The following SNAP25 variants were observed in gnomAD, a reference collection of about 807,000 sequenced individuals.
The protein encoded by SNAP25 is synaptosomal-associated protein 25.
In SNAP25, 3 loss-of-function variants were observed where a neutral mutation model predicts 28.7. That is an observed-to-expected ratio of 0.10 (90% confidence interval 0.05 to 0.27). SNAP25 has a LOEUF of 0.27. Among genes scored for constraint, SNAP25 ranks in the 10% least tolerant of loss-of-function variants. SNAP25 has a pLI of 1.00. For synonymous variants in SNAP25, 61 were observed against 88.1 expected (o/e 0.69, Z 1.72); for missense variants, 117 against 278.7 (o/e 0.42, Z 4.13).
chr20:10,259,769 T>G (rs1295186115), intron 1 of SNAP25, among the ~76,000 whole-genome samples: 2 of 152,190 alleles, frequency 1.3e-5, no homozygotes, highest in Non-Finnish European at 2.9e-5. Context: ...ACTCATGGCC[T>G]CAAGCAATCC....
chr20:10,272,883 G>T (rs147430981), intron 1 of SNAP25, among the ~76,000 whole-genome samples: 8 of 152,252 alleles, frequency 5.3e-5, no homozygotes, highest in Non-Finnish European at 7.3e-5. Flanking sequence ...ACTGGGTAGA[G>T]AACGGTGAAA....
intron 1 of SNAP25, among the ~76,000 whole-genome samples, chr20:10,235,764 T>C (rs1440045792): frequency 6.6e-6 from 1 of 152,230 alleles, no homozygotes; most frequent in Non-Finnish European, 1.5e-5. Context: ...TGGTTATTGC[T>C]GGCTCTTGGC....
chr20:10,262,694 G>A (rs1256123333), intron 1 of SNAP25, among the ~76,000 whole-genome samples: 1 of 152,162 alleles, frequency 6.6e-6, no homozygotes, highest in Non-Finnish European at 1.5e-5. Flanking sequence ...GGCAGTGCTC[G>A]CAGGAGAAAC....
At chr20:10,296,430 A>G (rs1406200471) in intron 5 of SNAP25, 1 of 158,112 alleles carries the variant, frequency 6.3e-6, no homozygotes, top group Non-Finnish European at 1.4e-5. Context: ...GGAAAAAAAA[A>G]TATTCCACAG....
At chr20:10,221,009 A>T (rs1467601505) in intron 1 of SNAP25, among the ~76,000 whole-genome samples, 2 of 152,232 alleles carry the variant, frequency 1.3e-5, no homozygotes, top group Non-Finnish European at 2.9e-5. Context: ...TTTATATATG[A>T]GTATGTAAAC....
chr20:10,270,135 C>T (rs1339499185), intron 1 of SNAP25, among the ~76,000 whole-genome samples: 1 of 152,098 alleles, frequency 6.6e-6, no homozygotes, highest in Non-Finnish European at 1.5e-5. Context: ...TGCCTGTAAT[C>T]CCAGCTACTT....
At chr20:10,303,553 A>C (rs919195823) in intron 7 of SNAP25, among the ~76,000 whole-genome samples, 8 of 152,226 alleles carry the variant, frequency 5.3e-5, no homozygotes, top group African/African-American at 1.7e-4. Flanking sequence ...ACAGCACCAC[A>C]ATAGGTACAA....
chr20:10,290,382 T>C (rs1265061385), intron 4 of SNAP25, among the ~76,000 whole-genome samples: 1 of 152,240 alleles, frequency 6.6e-6, no homozygotes, highest in Non-Finnish European at 1.5e-5. Context: ...AACTATTTTC[T>C]GAATAGTTTT....
intron 1 of SNAP25, among the ~76,000 whole-genome samples, chr20:10,246,967 G>A (rs1568586072): frequency 6.6e-6 from 1 of 151,968 alleles, no homozygotes; most frequent in Non-Finnish European, 1.5e-5. Flanking sequence ...TAGAAAAGGG[G>A]TGATGATCAT....
intron 1 of SNAP25, among the ~76,000 whole-genome samples, chr20:10,236,629 G>A (rs2062926658): frequency 6.6e-6 from 1 of 152,016 alleles, no homozygotes; most frequent in Admixed American, 6.6e-5. Context: ...TTTGGTAATG[G>A]GAACACAAGG....
intron 1 of SNAP25, among the ~76,000 whole-genome samples, chr20:10,257,882 CAAA>C (rs57183397): frequency 8.3e-5 from 7 of 84,206 alleles, no homozygotes; most frequent in Middle Eastern, 5.8e-3. Context: ...GACTCTGTCT[CAAA>C]AAAAAAAAAA....
intron 5 of SNAP25, among the ~76,000 whole-genome samples, chr20:10,294,075 G>T (rs2064053832): frequency 6.6e-6 from 1 of 152,202 alleles, no homozygotes; most frequent in African/African-American, 2.4e-5. Flanking sequence ...GGTTCTGGAA[G>T]ATTGTCTCAT....
intron 1 of SNAP25, among the ~76,000 whole-genome samples, chr20:10,257,873 A>G (rs1383588514): frequency 1.6e-5 from 2 of 128,500 alleles, no homozygotes; most frequent in East Asian, 4.4e-4. Flanking sequence ...ACAGAGTGAG[A>G]CTCTGTCTCA....
At chr20:10,254,136 T>A (rs1316048721) in intron 1 of SNAP25, among the ~76,000 whole-genome samples, 2 of 152,256 alleles carry the variant, frequency 1.3e-5, no homozygotes, top group Non-Finnish European at 2.9e-5. Context: ...TTGCATAGCT[T>A]CTGCATGTTT....
chr20:10,280,413 T>C (rs1160146360), intron 3 of SNAP25, among the ~76,000 whole-genome samples: 1 of 152,174 alleles, frequency 6.6e-6, no homozygotes, highest in African/African-American at 2.4e-5. Context: ...TTTTGGTGAA[T>C]GCATTTCAAC....
chr20:10,256,030 C>T (rs2063314001), intron 1 of SNAP25, among the ~76,000 whole-genome samples: 1 of 152,214 alleles, frequency 6.6e-6, no homozygotes, highest in Admixed American at 6.5e-5. Context: ...TTTAGGCAGA[C>T]CTGTTACTGG....
chr20:10,221,443 C>G (rs77080897), intron 1 of SNAP25, among the ~76,000 whole-genome samples: 4,190 of 152,202 alleles, frequency 0.028, 66 homozygotes, highest in Middle Eastern at 0.092. Flanking sequence ...CGAGAAATTT[C>G]CCATTTTAAG....
intron 1 of SNAP25, among the ~76,000 whole-genome samples, chr20:10,259,070 T>C (rs1207628495): frequency 1.3e-5 from 2 of 152,204 alleles, no homozygotes; most frequent in African/African-American, 4.8e-5. Context: ...TCCTGGTTTC[T>C]TCAAAGAGGG....
intron 1 of SNAP25, among the ~76,000 whole-genome samples, chr20:10,232,549 C>A (rs1337384624): frequency 6.6e-6 from 1 of 152,208 alleles, no homozygotes; most frequent in Admixed American, 6.5e-5. Flanking sequence ...AAGGATGTTT[C>A]TTTCACCTTT....
Sources: gnomAD v4.1 joint callset for allele counts (sites outside exome capture counted in the v4.1 genomes callset) on GRCh38, gnomAD v4.1.1 for gene constraint, MANE v1.5 for transcripts, NCBI Gene and HGNC (gene_info 2026-07-23, HGNC 2026-07-21) for gene names.